The following MAPK10 variants were observed in gnomAD, a reference collection of about 807,000 sequenced individuals.
The protein encoded by MAPK10 is JNK3 alpha protein kinase.
A neutral mutation model predicts 59.3 loss-of-function variants in MAPK10; 25 were observed. The ratio of observed to expected loss-of-function variants is 0.42; its 90% confidence interval spans 0.31 to 0.59. MAPK10 has a LOEUF of 0.59. MAPK10 is among the 20% of genes least tolerant of loss of function. The pLI is 0.15. For synonymous variants in MAPK10, 190 were observed against 200.5 expected (o/e 0.95, Z 0.44); for missense variants, 351 against 568.9 (o/e 0.62, Z 3.90).
At chr4:86,575,343 A>C (rs950616839) in intron 1 of MAPK10, among the ~76,000 whole-genome samples, 1 of 152,202 alleles carries the variant, frequency 6.6e-6, no homozygotes, top group South Asian at 2.1e-4. Context: ...TGGATATTTG[A>C]TATCATAATA....
chr4:86,232,807 A>T (rs962421347), intron 2 of MAPK10, among the ~76,000 whole-genome samples: 1 of 152,212 alleles, frequency 6.6e-6, no homozygotes, highest in Non-Finnish European at 1.5e-5. Context: ...ATGAAATCTA[A>T]GTTCCCTTTC....
At chr4:86,333,893 C>A (rs2096212711) in intron 2 of MAPK10, among the ~76,000 whole-genome samples, 1 of 152,024 alleles carries the variant, frequency 6.6e-6, no homozygotes, top group South Asian at 2.1e-4. Context: ...TTAACTTTTA[C>A]CACTATTATT....
chr4:86,023,137 C>T (rs1189477460), intron 13 of MAPK10, among the ~76,000 whole-genome samples: 1 of 152,008 alleles, frequency 6.6e-6, no homozygotes, highest in East Asian at 1.9e-4. Context: ...AGGCAGGGGC[C>T]CACCTTCATT....
chr4:86,460,096 C>T (rs563420632), intron 1 of MAPK10, among the ~76,000 whole-genome samples: 1 of 152,200 alleles, frequency 6.6e-6, no homozygotes, highest in East Asian at 1.9e-4. Flanking sequence ...TTGAATATAG[C>T]AGAGTTTAAA....
At chr4:86,568,825 C>A (rs1399092177) in intron 1 of MAPK10, among the ~76,000 whole-genome samples, 1 of 151,992 alleles carries the variant, frequency 6.6e-6, no homozygotes, top group South Asian at 2.1e-4. Flanking sequence ...AATGTAACAC[C>A]TGAAACTATA....
upstream of MAPK10, chr4:86,360,061 A>G (rs1736592568): frequency 1.0e-6 from 1 of 985,722 alleles, no homozygotes; most frequent in Admixed American, 6.2e-5. Flanking sequence ...TGTGGAACCT[A>G]CCAGAGGAGA....
intron 4 of MAPK10, among the ~76,000 whole-genome samples, chr4:86,147,066 A>G (rs969987120): frequency 2.0e-5 from 3 of 151,882 alleles, no homozygotes; most frequent in African/African-American, 4.8e-5. Flanking sequence ...TTTGATTAAT[A>G]TATTTTTCTT....
chr4:86,496,188 T>C (rs934352137), intron 1 of MAPK10, among the ~76,000 whole-genome samples: 2 of 152,190 alleles, frequency 1.3e-5, no homozygotes, highest in African/African-American at 4.8e-5. Context: ...AGCTACATGC[T>C]TTCCAGCCAT....
chr4:86,258,821 C>T (rs987195856), intron 2 of MAPK10, among the ~76,000 whole-genome samples: 1 of 152,178 alleles, frequency 6.6e-6, no homozygotes, highest in Non-Finnish European at 1.5e-5. Context: ...GTGAGACTTA[C>T]CTAACCAGAC....
intron 1 of MAPK10, among the ~76,000 whole-genome samples, chr4:86,512,344 G>A (rs1446903900): frequency 6.6e-6 from 1 of 152,120 alleles, no homozygotes; most frequent in Non-Finnish European, 1.5e-5. Context: ...GGAAGCATTG[G>A]CTATATTACC....
intron 2 of MAPK10, among the ~76,000 whole-genome samples, chr4:86,231,661 C>CA: frequency 6.7e-6 from 1 of 148,934 alleles, no homozygotes; most frequent in African/African-American, 2.5e-5. Context: ...GACTCTGTCT[C>CA]AAAAAAAGAA....
At chr4:86,044,491 T>C (rs2042156539) in intron 11 of MAPK10, 2 of 362,054 alleles carry the variant, frequency 5.5e-6, no homozygotes, top group East Asian at 4.0e-5. Context: ...TTTGCCTAGT[T>C]ATGTTTCATT....
At chr4:86,557,112 T>A (rs1463616279) in intron 1 of MAPK10, among the ~76,000 whole-genome samples, 1 of 152,082 alleles carries the variant, frequency 6.6e-6, no homozygotes, top group Non-Finnish European at 1.5e-5. Context: ...AATGTTTACA[T>A]TCAAAATTTG....
intron 4 of MAPK10, among the ~76,000 whole-genome samples, chr4:86,110,165 T>C (rs530340435): frequency 1.3e-5 from 2 of 152,302 alleles, no homozygotes; most frequent in Admixed American, 1.3e-4. Flanking sequence ...TTTTCTCGCA[T>C]TCTGTAGGTT....
chr4:86,430,040 T>C (rs1272182562), intron 1 of MAPK10, among the ~76,000 whole-genome samples: 1 of 152,148 alleles, frequency 6.6e-6, no homozygotes, highest in Non-Finnish European at 1.5e-5. Context: ...AAGTCTCTTT[T>C]AAGAATTATT....
At chr4:86,488,117 T>A (rs1227871863) in intron 1 of MAPK10, among the ~76,000 whole-genome samples, 1 of 152,094 alleles carries the variant, frequency 6.6e-6, no homozygotes, top group Non-Finnish European at 1.5e-5. Context: ...CTTGACAGAT[T>A]AGCTCACTGA....
At chr4:86,424,849 G>C (rs1258042056) in intron 1 of MAPK10, among the ~76,000 whole-genome samples, 1 of 152,160 alleles carries the variant, frequency 6.6e-6, no homozygotes, top group African/African-American at 2.4e-5. Context: ...AAAAGCTAAA[G>C]CTGACTCCAG....
chr4:86,128,761 G>A (rs531581302), intron 4 of MAPK10, among the ~76,000 whole-genome samples: 1 of 151,854 alleles, frequency 6.6e-6, no homozygotes, highest in Non-Finnish European at 1.5e-5. Flanking sequence ...AAATATATAG[G>A]AGCACAACAC....
At chr4:86,543,771 A>T (rs904843640) in intron 1 of MAPK10, among the ~76,000 whole-genome samples, 1 of 152,200 alleles carries the variant, frequency 6.6e-6, no homozygotes, top group African/African-American at 2.4e-5. Flanking sequence ...GTCCAAAAAA[A>T]ACAGGAACGG....
Sources: gnomAD v4.1 joint callset for allele counts (sites outside exome capture counted in the v4.1 genomes callset) on GRCh38, gnomAD v4.1.1 for gene constraint, MANE v1.5 for transcripts, NCBI Gene and HGNC (gene_info 2026-07-23, HGNC 2026-07-21) for gene names.